Variants in RPN2 observed in about 807,000 individuals in gnomAD.
The protein encoded by RPN2 is dolichyl-diphosphooligosaccharide--protein glycosyltransferase subunit 2.
In RPN2, 29 loss-of-function variants were observed where a neutral mutation model predicts 71.4. The observed-to-expected ratio is 0.41, with a 90% CI of 0.30 to 0.55. The LOEUF (loss-of-function observed/expected upper bound fraction) is 0.55. Ranked by LOEUF, RPN2 falls within the 20% of genes least tolerant of loss-of-function variation. RPN2 has a pLI of 0.35. For synonymous variants in RPN2, 308 were observed against 305.0 expected (o/e 1.01, Z -0.10); for missense variants, 726 against 774.1 (o/e 0.94, Z 0.74).
intron 9 of RPN2, among the ~76,000 whole-genome samples, chr20:37,217,000 G>A (rs1168110597): frequency 6.7e-6 from 1 of 150,228 alleles, no homozygotes; most frequent in African/African-American, 2.5e-5. Flanking sequence ...GCGTGATCAT[G>A]GCTCACTACA....
intron 11 of RPN2, among the ~76,000 whole-genome samples, chr20:37,226,660 C>T (rs2068084921): frequency 6.6e-6 from 1 of 152,080 alleles, no homozygotes; most frequent in Non-Finnish European, 1.5e-5. Context: ...CTTGTGCTTA[C>T]TTTGTATTAT....
chr20:37,209,998 C>G (rs1471948680), intron 7 of RPN2, 49 bp from the exon 8 acceptor site: 1 of 1,606,740 alleles, frequency 6.2e-7, no homozygotes, highest in African/African-American at 1.3e-5. Context: ...ACAAAATTCT[C>G]TGCTCCTGTA....
intron 9 of RPN2, among the ~76,000 whole-genome samples, chr20:37,217,766 C>T (rs1424632685): frequency 6.6e-6 from 1 of 150,738 alleles, no homozygotes; most frequent in African/African-American, 2.4e-5. Flanking sequence ...ATCTTGCTGT[C>T]ACCCAGGCTG....
chr20:37,194,586 C>A (rs2146545706), intron 2 of RPN2, among the ~76,000 whole-genome samples: 1 of 152,286 alleles, frequency 6.6e-6, no homozygotes, highest in South Asian at 2.1e-4. Context: ...TAAAATAAGT[C>A]TTGAGTTTTG....
intron 2 of RPN2, among the ~76,000 whole-genome samples, chr20:37,193,566 C>G (rs758467581): frequency 3.9e-5 from 6 of 152,130 alleles, no homozygotes; most frequent in Non-Finnish European, 7.4e-5. Flanking sequence ...ATTCACCTTG[C>G]ATTTTGGAAA....
At chr20:37,205,167 C>T (rs1250478449) in intron 6 of RPN2, among the ~76,000 whole-genome samples, 3 of 152,062 alleles carry the variant, frequency 2.0e-5, no homozygotes, top group Admixed American at 6.6e-5. Context: ...AAGGAAGCCA[C>T]GTGTATTACT....
At chr20:37,219,823 C>T (rs1049737525) in intron 9 of RPN2, among the ~76,000 whole-genome samples, 2 of 152,206 alleles carry the variant, frequency 1.3e-5, no homozygotes, top group Non-Finnish European at 2.9e-5. Flanking sequence ...CTTTCCCTAA[C>T]GAATTGCCTT....
intron 11 of RPN2, among the ~76,000 whole-genome samples, chr20:37,228,254 A>C: frequency 6.6e-6 from 1 of 152,252 alleles, no homozygotes; most frequent in Non-Finnish European, 1.5e-5. Context: ...AAGAAATTGC[A>C]GCAATAGCAA....
At chr20:37,231,718 A>AAAAAAAG (rs2068253233) in intron 13 of RPN2, among the ~76,000 whole-genome samples, 1 of 151,710 alleles carries the variant, frequency 6.6e-6, no homozygotes, top group African/African-American at 2.4e-5. Context: ...TCTCTTTAAA[A>AAAAAAAG]AAAAGAAAAA....
At chr20:37,190,859 T>C (rs1260783582) in intron 2 of RPN2, among the ~76,000 whole-genome samples, 1 of 152,198 alleles carries the variant, frequency 6.6e-6, no homozygotes, top group East Asian at 1.9e-4. Context: ...GAAAGGGAGT[T>C]GTATGCATGT....
intron 2 of RPN2, among the ~76,000 whole-genome samples, chr20:37,196,427 G>A (rs561410303): frequency 4.6e-4 from 70 of 152,270 alleles, no homozygotes; most frequent in African/African-American, 1.7e-3. Flanking sequence ...TAGAGATGGG[G>A]TTTCACCGTG....
intron 9 of RPN2, 150 bp from the exon 10 acceptor site, chr20:37,223,728 G>T (rs1212162794): frequency 4.4e-6 from 3 of 687,634 alleles, no homozygotes; most frequent in African/African-American, 1.8e-5. Flanking sequence ...TACTGGGCTG[G>T]GTCAGTGTTA....
At chr20:37,212,644 A>T (rs1568982926) in intron 8 of RPN2, among the ~76,000 whole-genome samples, 2 of 151,576 alleles carry the variant, frequency 1.3e-5, no homozygotes, top group Non-Finnish European at 2.9e-5. Flanking sequence ...TGCCCAGCTA[A>T]TTTTTTTTGT....
chr20:37,197,764 C>G (rs1395846788), intron 2 of RPN2, among the ~76,000 whole-genome samples: 1 of 151,952 alleles, frequency 6.6e-6, no homozygotes, highest in Non-Finnish European at 1.5e-5. Context: ...TGCTCTGCTA[C>G]TTTTTGAATT....
At chr20:37,211,087 T>G (rs2067650887) in intron 8 of RPN2, among the ~76,000 whole-genome samples, 1 of 151,700 alleles carries the variant, frequency 6.6e-6, no homozygotes, top group Non-Finnish European at 1.5e-5. Flanking sequence ...CAGGCTGGAG[T>G]GCAGTGGTGT....
chr20:37,192,154 A>G (rs543771788), intron 2 of RPN2, among the ~76,000 whole-genome samples: 38 of 152,296 alleles, frequency 2.5e-4, no homozygotes, highest in African/African-American at 9.1e-4. Context: ...CGTTGTGAGC[A>G]TTAAATGAGA....
In RPN2 at chr20:37,187,073, G is replaced by T. The variant is rs2067023072; in HGVS notation, c.207+2700G>T. Among the ~76,000 whole-genome samples the T allele has an allele frequency of 2.6e-5, 4 of 152,310 alleles. 1 individual carries two copies. The highest frequency in any genetic ancestry group is 4.1e-4 in the South Asian group (2 of 4,826). ...TGATGATGAAGTTGTAAATTAAGGT[G>T]TTGTCAGACTAATCTATCGCTTATA... On this transcript the variant is annotated intron_variant, in intron 2 of 16. Coordinates refer to ENST00000237530, the MANE Select transcript of RPN2 (RefSeq NM_002951.5).
intron 16 of RPN2, among the ~76,000 whole-genome samples, chr20:37,240,060 C>T (rs1288350634): frequency 6.6e-6 from 1 of 152,156 alleles, no homozygotes; most frequent in Non-Finnish European, 1.5e-5. Context: ...TACTCAGTCT[C>T]TTGAGTTTTA....
intron 6 of RPN2, 60 bp downstream of exon 6, chr20:37,204,961 A>G: frequency 1.2e-6 from 2 of 1,612,074 alleles, no homozygotes; most frequent in East Asian, 4.5e-5. Context: ...GTATCTGCTA[A>G]GGATGGCTTT....
Sources: allele counts gnomAD v4.1 joint callset (sites outside exome capture counted in the v4.1 genomes callset), GRCh38; gene constraint gnomAD v4.1.1; transcripts MANE v1.5; gene names NCBI Gene and HGNC (gene_info 2026-07-23, HGNC 2026-07-21).